Variants in ABHD2 observed in about 807,000 individuals in gnomAD.
ABHD2 encodes monoacylglycerol lipase ABHD2.
A neutral mutation model predicts 48.1 loss-of-function variants in ABHD2; 20 were observed. That is an observed-to-expected ratio of 0.42 (90% CI 0.29 to 0.60). The LOEUF is 0.60. Ranked by LOEUF, ABHD2 falls within the 20% of genes least tolerant of loss-of-function variation. ABHD2 has a pLI of 0.24. For synonymous variants in ABHD2, 209 were observed against 214.2 expected (o/e 0.98, Z 0.21); for missense variants, 405 against 550.9 (o/e 0.74, Z 2.65).
intron 3 of ABHD2, among the ~76,000 whole-genome samples, chr15:89,131,440 G>A (rs937822630): frequency 2.0e-5 from 3 of 152,172 alleles, no homozygotes; most frequent in Non-Finnish European, 4.4e-5. Context: ...AGCATCTGGT[G>A]TGGCCTTGGG....
intron 1 of ABHD2, among the ~76,000 whole-genome samples, chr15:89,111,501 G>A (rs149882514): frequency 6.6e-6 from 1 of 152,340 alleles, no homozygotes; most frequent in East Asian, 1.9e-4. Context: ...CTGCCCTGCT[G>A]TCATCTTAAT....
the ABHD2 span, among the ~76,000 whole-genome samples, chr15:89,081,001 C>CTT: frequency 2.9e-5 from 4 of 139,110 alleles, no homozygotes. Flanking sequence ...AATTTCATTC[C>CTT]TTTTTTTTTT....
intron 3 of ABHD2, among the ~76,000 whole-genome samples, chr15:89,138,423 CCT>C (rs2050349901): frequency 6.6e-6 from 1 of 152,256 alleles, no homozygotes; most frequent in African/African-American, 2.4e-5. Flanking sequence ...GCACTTCCAT[CCT>C]CTCTTGCTCT....
the ABHD2 span, among the ~76,000 whole-genome samples, chr15:89,072,541 G>A: frequency 4.6e-5 from 6 of 130,094 alleles, no homozygotes; most frequent in African/African-American, 8.6e-5. Context: ...AGGGGAAGGG[G>A]AAGGATGAGC....
chr15:89,193,477 C>T (rs1351008370), intron 10 of ABHD2, 158 bp downstream of exon 10: 5 of 653,698 alleles, frequency 7.6e-6, no homozygotes, highest in East Asian at 2.7e-5. Context: ...TGATAGTCCT[C>T]GGGCTGTGAT....
At chr15:89,124,243 T>A (rs2050098777) in intron 3 of ABHD2, among the ~76,000 whole-genome samples, 1 of 152,234 alleles carries the variant, frequency 6.6e-6, no homozygotes, top group Admixed American at 6.5e-5. Context: ...AAACGGCCAC[T>A]TCTTCCATTT....
chr15:89,041,731 G>GC, the ABHD2 span, among the ~76,000 whole-genome samples: 1 of 152,224 alleles, frequency 6.6e-6, no homozygotes, highest in South Asian at 2.1e-4. Flanking sequence ...AAGCAGCTCT[G>GC]CCCCTCGGTC....
chr15:89,050,069 A>G, the ABHD2 span, among the ~76,000 whole-genome samples: 1 of 152,240 alleles, frequency 6.6e-6, no homozygotes, highest in African/African-American at 2.4e-5. Flanking sequence ...TGAGGTAGAA[A>G]GAATTTCATA....
chr15:89,201,902 T>C lies in ABHD2; in HGVS notation c.*6479T>C, dbSNP rs2051469983. 5 of 622,382 alleles carry C rather than the reference T, an allele frequency of 8.0e-6. No individual in the cohort carries two copies. The highest frequency in any genetic ancestry group is 1.4e-5 in the Non-Finnish European group (5 of 355,098). 38.6% of individuals were successfully genotyped at this position (622,382 alleles called of 1,614,324 possible). ...GAGTTCGCATCTCTCCTTTTCCTGG[T>C]TAGACTCTGTTCAACCACATTCTTA... On this transcript the variant is annotated 3_prime_UTR_variant, in exon 11 of 11. Transcript: ENST00000352732.
the ABHD2 span, among the ~76,000 whole-genome samples, chr15:89,068,963 T>G: frequency 6.6e-6 from 1 of 151,346 alleles, no homozygotes. Flanking sequence ...GAAATGGGGT[T>G]TCACCATATT....
Position 89,195,797 on chromosome 15 carries a change from TG to T in ABHD2, c.*375del, listed in dbSNP as rs1316360521. 1 of 198,204 alleles carries T rather than the reference TG, an allele frequency of 5.0e-6. No homozygotes were observed. Among genetic ancestry groups the T allele is most frequent in the Non-Finnish European group, 1.0e-5 (1 of 96,634 alleles). The allele number at this position is 198,204 out of a possible 1,614,324, so 12.3% of individuals were successfully genotyped here. A position where few individuals can be genotyped will look rare whatever the true frequency, so the allele number is the denominator to read the frequency against. On this transcript the variant is annotated 3_prime_UTR_variant, in exon 11 of 11. Transcript: ENST00000352732. This position sits in a 1 kb window ranked among gnomAD's most constrained non-coding sequence, Gnocchi z 5.1. ...GCTTTTCCCTGAGAACAGTGAAGGA[TG>T]TATGTCATTTTGTGGTGGTTGTATG...
At chr15:89,093,173 CTTT>C (rs71149272) in intron 1 of ABHD2, among the ~76,000 whole-genome samples, 1,822 of 71,924 alleles carry the variant, frequency 0.025, 49 homozygotes, top group African/African-American at 0.081. Flanking sequence ...TTTTTTCATT[CTTT>C]TTTTTTTTTT....
In ABHD2 at chr15:89,151,812, A is replaced by G. The variant is rs370107941; in HGVS notation, c.330A>G (p.Thr110=). 2.5e-6 allele frequency: 4 copies of G among 1,614,056 alleles called. No individual in the cohort carries two copies. Among genetic ancestry groups the G allele is most frequent in the African/African-American group, 1.3e-5 (1 of 74,916 alleles). ...CTATGTCTGATGGAGCCACTTCTAC[A>G]TTCGACCTCTTCGAGCCCTTGGCTG... ...FITMSDGATS[T]FDLFEPLAEH... is the part of the protein sequence containing the mutation. Residue 110 remains threonine, a synonymous_variant, in exon 4 of 11, where the codon ACA becomes ACG. Coordinates refer to ENST00000352732, the MANE Select transcript of ABHD2 (RefSeq NM_152924.5). The surrounding 1 kb of genome is among the most constrained non-coding windows in gnomAD (Gnocchi z 4.7).
intron 3 of ABHD2, among the ~76,000 whole-genome samples, chr15:89,132,798 A>G (rs2050241003): frequency 1.3e-5 from 2 of 152,196 alleles, no homozygotes; most frequent in Non-Finnish European, 2.9e-5. Flanking sequence ...GCTTATCTGC[A>G]TGGTTTGGTG....
Position 89,201,424 on chromosome 15 carries a change from G to T in ABHD2, c.*6001G>T. The T allele has an allele frequency of 7.8e-7, 1 of 1,273,974 alleles. No homozygotes were observed. The highest frequency in any genetic ancestry group is 1.3e-5 in the South Asian group (1 of 79,656). 78.9% of individuals were successfully genotyped at this position (1,273,974 alleles called of 1,614,324 possible). A position where few individuals can be genotyped will look rare whatever the true frequency, so the allele number is the denominator to read the frequency against. ...CATTCAATTTATCATTTTCATTGGG[G>T]ATCTCCATTTGGAATCCATTAATTC... On this transcript the variant is annotated 3_prime_UTR_variant, in exon 11 of 11. Transcript: ENST00000352732.
chr15:89,064,475 A>C, the ABHD2 span, among the ~76,000 whole-genome samples: 1 of 151,870 alleles, frequency 6.6e-6, no homozygotes, highest in Non-Finnish European at 1.5e-5. Flanking sequence ...TGATCCGCCC[A>C]CCTCGGCCTC....
chr15:89,068,387 G>T, the ABHD2 span, among the ~76,000 whole-genome samples: 1 of 152,158 alleles, frequency 6.6e-6, no homozygotes, highest in African/African-American at 2.4e-5. Context: ...CTGCTCCCTG[G>T]TGTCTGAGAC....
Position 89,173,792 on chromosome 15 carries a change from T to C in ABHD2, c.539-2020T>C, listed in dbSNP as rs1043898549. 6.6e-6 allele frequency among the ~76,000 whole-genome samples: 1 copy of C among 152,030 alleles called. No homozygotes were observed. Among genetic ancestry groups the C allele is most frequent in the Non-Finnish European group, 1.5e-5 (1 of 68,020 alleles). ...GCAAACTGCCCCAGCCTCTGCTGAGTGTAAGAGGGAGAAAAATAAGCAGCT... is the reference window on the plus strand; with the variant it reads ...GCAAACTGCCCCAGCCTCTGCTGAGCGTAAGAGGGAGAAAAATAAGCAGCT... On this transcript the variant is annotated intron_variant, in intron 5 of 10. Coordinates refer to ENST00000352732, the MANE Select transcript of ABHD2 (RefSeq NM_152924.5). This position sits in a 1 kb window ranked among gnomAD's most constrained non-coding sequence, Gnocchi z 6.5.
the ABHD2 span, among the ~76,000 whole-genome samples, chr15:89,062,749 A>C: frequency 6.6e-6 from 1 of 152,110 alleles, no homozygotes; most frequent in African/African-American, 2.4e-5. Context: ...TTCTAAGACT[A>C]GCAATAAAAG....
Sources: allele counts gnomAD v4.1 joint callset (sites outside exome capture counted in the v4.1 genomes callset), GRCh38; gene constraint gnomAD v4.1.1; non-coding constraint Gnocchi (gnomAD v3.1); transcripts MANE v1.5; gene names NCBI Gene and HGNC (gene_info 2026-07-23, HGNC 2026-07-21).